LOC128462377: variants seen among roughly 807,000 people sequenced by gnomAD.
chr16:89,378,965 G>A, the LOC128462377 span, among the ~76,000 whole-genome samples: 1 of 152,230 alleles, frequency 6.6e-6, no homozygotes, highest in African/African-American at 2.4e-5. Flanking sequence ...ACCTTTTTGG[G>A]TCAAGGTTCT....
chr16:89,365,195 C>T, the LOC128462377 span, among the ~76,000 whole-genome samples: 134,759 of 152,254 alleles, frequency 0.89, 59,849 homozygotes, highest in African/African-American at 0.97. Context: ...TGATGACTAT[C>T]TTGTTGGCTG....
chr16:89,328,750 G>A, the LOC128462377 span, among the ~76,000 whole-genome samples: 3 of 136,470 alleles, frequency 2.2e-5, no homozygotes, highest in Non-Finnish European at 3.1e-5. Flanking sequence ...GAGCACGGGC[G>A]AAATCAGCGG....
At chr16:89,368,371 G>GT in the LOC128462377 span, among the ~76,000 whole-genome samples, 424 of 56,586 alleles carry the variant, frequency 7.5e-3, 26 homozygotes, top group East Asian at 0.017. Context: ...TAATTTTTGT[G>GT]TTTTTTTTTT....
the LOC128462377 span, among the ~76,000 whole-genome samples, chr16:89,412,953 A>G: frequency 6.6e-6 from 1 of 152,144 alleles, no homozygotes; most frequent in Admixed American, 6.5e-5. Flanking sequence ...GATTCCAGCT[A>G]AAAGCACACA....
At chr16:89,384,879 C>CTTTTTGTTTTTTTTT in the LOC128462377 span, among the ~76,000 whole-genome samples, 1 of 49,910 alleles carries the variant, frequency 2.0e-5, no homozygotes, top group Non-Finnish European at 3.5e-5. Flanking sequence ...AAATAGTTTT[C>CTTTTTGTTTTTTTTT]TTTTTTTTTT....
chr16:89,347,505 G>C, the LOC128462377 span, among the ~76,000 whole-genome samples: 1 of 152,098 alleles, frequency 6.6e-6, no homozygotes, highest in South Asian at 2.1e-4. Context: ...CAGCTACTAG[G>C]GAGGCTGAGG....
At chr16:89,347,111 A>G in the LOC128462377 span, among the ~76,000 whole-genome samples, 1 of 152,282 alleles carries the variant, frequency 6.6e-6, no homozygotes, top group South Asian at 2.1e-4. Flanking sequence ...AGGCCCGTGG[A>G]GGTGTCTCTC....
At chr16:89,360,761 G>C in the LOC128462377 span, 2 of 152,212 alleles carry the variant, frequency 1.3e-5, no homozygotes, top group Non-Finnish European at 2.9e-5. Flanking sequence ...AGAGGAAGAG[G>C]AGAAGAAAAG....
the LOC128462377 span, among the ~76,000 whole-genome samples, chr16:89,400,963 T>C: frequency 6.6e-6 from 1 of 152,188 alleles, no homozygotes; most frequent in African/African-American, 2.4e-5. Context: ...ATCCCCCGTC[T>C]GCCCCGGGGC....
At chr16:89,355,736 G>A in the LOC128462377 span, among the ~76,000 whole-genome samples, 10 of 152,282 alleles carry the variant, frequency 6.6e-5, no homozygotes, top group African/African-American at 2.4e-4. Flanking sequence ...GCATCCACCC[G>A]TCGAGGGCAG....
chr16:89,360,928 CT>C, the LOC128462377 span, among the ~76,000 whole-genome samples: 1 of 152,186 alleles, frequency 6.6e-6, no homozygotes. Context: ...TGCACTGAGC[CT>C]GTGTCGGGAC....
chr16:89,328,011 A>G, the LOC128462377 span, among the ~76,000 whole-genome samples: 1 of 152,252 alleles, frequency 6.6e-6, no homozygotes, highest in South Asian at 2.1e-4. Flanking sequence ...TATGTAGAAG[A>G]AAGAAGTATC....
the LOC128462377 span, chr16:89,395,572 T>A: frequency 6.6e-6 from 1 of 152,346 alleles, no homozygotes; most frequent in East Asian, 1.9e-4. Flanking sequence ...CAATGGGCCA[T>A]CACATTGGAA....
chr16:89,403,021 C>G, the LOC128462377 span, among the ~76,000 whole-genome samples: 1 of 152,322 alleles, frequency 6.6e-6, no homozygotes, highest in Non-Finnish European at 1.5e-5. Context: ...CATCAAACAC[C>G]AGGCTCCACA....
chr16:89,377,564 A>G, the LOC128462377 span, among the ~76,000 whole-genome samples: 1 of 152,208 alleles, frequency 6.6e-6, no homozygotes, highest in African/African-American at 2.4e-5. Context: ...AAATTAGAAG[A>G]CAACCTGGTG....
the LOC128462377 span, among the ~76,000 whole-genome samples, chr16:89,341,694 A>T: frequency 6.6e-6 from 1 of 152,232 alleles, no homozygotes; most frequent in Non-Finnish European, 1.5e-5. Flanking sequence ...TCACACACCT[A>T]TTCATCTGCA....
the LOC128462377 span, among the ~76,000 whole-genome samples, chr16:89,384,538 CTGGGA>C: frequency 1.2e-4 from 18 of 148,334 alleles, no homozygotes; most frequent in Admixed American, 6.7e-4. Flanking sequence ...TGGGATGGGA[CTGGGA>C]TGGGATGGGA....
At chr16:89,389,842 G>A in the LOC128462377 span, among the ~76,000 whole-genome samples, 2 of 140,520 alleles carry the variant, frequency 1.4e-5, no homozygotes, top group Non-Finnish European at 3.1e-5. Context: ...ACCGAGTGTG[G>A]CGGGGAGCAC....
chr16:89,415,151 G>C, the LOC128462377 span, among the ~76,000 whole-genome samples: 8 of 151,146 alleles, frequency 5.3e-5, no homozygotes, highest in Non-Finnish European at 1.2e-4. Context: ...ATGCGGTCTC[G>C]TCATGTTACT....
Sources: allele counts gnomAD v4.1 joint callset (sites outside exome capture counted in the v4.1 genomes callset), GRCh38; gene constraint gnomAD v4.1.1; transcripts MANE v1.5.